The following PMP22 variants were observed in gnomAD, a reference collection of about 807,000 sequenced individuals.
The protein encoded by PMP22 is peripheral myelin protein 22.
Under a neutral mutation model 18.9 loss-of-function variants are expected in PMP22, and 2 were observed. The ratio of observed to expected loss-of-function variants is 0.11; its 90% confidence interval spans 0.04 to 0.33. The LOEUF (loss-of-function observed/expected upper bound fraction) is 0.33, where lower values mean the gene tolerates loss of function less well. Ranked by LOEUF, PMP22 falls within the 10% of genes least tolerant of loss-of-function variation. PMP22 has a pLI of 1.00. For missense variants in PMP22, 169 were observed against 202.2 expected, an observed-to-expected ratio of 0.84 and a Z score of 1.00; for synonymous variants, 95 against 89.2, an observed-to-expected ratio of 1.07 and a Z score of -0.37.
intron 2 of PMP22, among the ~76,000 whole-genome samples, chr17:15,259,703 A>T (rs1909138334): frequency 6.6e-6 from 1 of 151,748 alleles, no homozygotes; most frequent in Non-Finnish European, 1.5e-5. Context: ...GCACTTTGGG[A>T]GGCAGAGGTG....
At chr17:15,247,516 A>T (rs1237822179) in intron 3 of PMP22, among the ~76,000 whole-genome samples, 1 of 152,188 alleles carries the variant, frequency 6.6e-6, no homozygotes, top group Non-Finnish European at 1.5e-5. Context: ...GGGAAGCTCG[A>T]GTTGCACAAA....
chr17:15,264,263 GATAGATAA>G, intron 1 of PMP22, among the ~76,000 whole-genome samples: 1 of 151,992 alleles, frequency 6.6e-6, no homozygotes, highest in Non-Finnish European at 1.5e-5. Flanking sequence ...GATATAGATA[GATAGATAA>G]AGATTTATAA....
At chr17:15,243,106 T>G (rs967403637) in intron 3 of PMP22, among the ~76,000 whole-genome samples, 1 of 152,020 alleles carries the variant, frequency 6.6e-6, no homozygotes, top group African/African-American at 2.4e-5. Flanking sequence ...GAACTACACT[T>G]TCAACTCAAG....
chr17:15,241,178 T>C (rs1016677754), intron 3 of PMP22, among the ~76,000 whole-genome samples: 21 of 150,686 alleles, frequency 1.4e-4, no homozygotes, highest in African/African-American at 5.0e-4. Context: ...CTTTCATTTT[T>C]TCAATTTCTT....
rs192202198 is a variant in PMP22, at chr17:15,233,324, A to G, written c.320-2244T>C. 7.0e-4 allele frequency among the ~76,000 whole-genome samples: 106 copies of G among 152,330 alleles called. No homozygotes were observed. The highest frequency in any genetic ancestry group is 1.1e-3 in the Non-Finnish European group (75 of 68,034). Reference sequence around the variant, plus strand: ...CTGGTAGGGGCCTGAGTCTGGGAGCATAGGTCATCTTTAAGCAGAAGGACA... The same window carrying G: ...CTGGTAGGGGCCTGAGTCTGGGAGCGTAGGTCATCTTTAAGCAGAAGGACA... On this transcript the variant is annotated intron_variant, in intron 4 of 4. Transcript: ENST00000312280.
intron 3 of PMP22, among the ~76,000 whole-genome samples, chr17:15,245,566 T>G (rs928469870): frequency 6.6e-6 from 1 of 152,190 alleles, no homozygotes; most frequent in Non-Finnish European, 1.5e-5. Flanking sequence ...ACAAAAGAGT[T>G]GTTATTGAAG....
intron 4 of PMP22, among the ~76,000 whole-genome samples, chr17:15,231,975 T>C (rs1490633313): frequency 6.6e-6 from 1 of 151,286 alleles, no homozygotes; most frequent in Non-Finnish European, 1.5e-5. Flanking sequence ...CAAGGAGGGG[T>C]CCAGTGATGT....
chr17:15,235,377 T>C, intron 4 of PMP22: 1 of 711,608 alleles, frequency 1.4e-6, no homozygotes. Context: ...ATGCTGGGTG[T>C]AAGCAGTAAA....
chr17:15,260,355 T>G, intron 2 of PMP22: 3 of 452,260 alleles, frequency 6.6e-6, no homozygotes, highest in East Asian at 3.9e-5. Flanking sequence ...AAAAAAAAAG[T>G]TAAACAATCT....
chr17:15,238,666 T>G (rs1020674078), intron 4 of PMP22, among the ~76,000 whole-genome samples: 1 of 147,760 alleles, frequency 6.8e-6, no homozygotes, highest in African/African-American at 2.6e-5. Flanking sequence ...ATGCAAGATG[T>G]AAGATGTAAG....
intron 3 of PMP22, among the ~76,000 whole-genome samples, chr17:15,249,811 T>C (rs1908166118): frequency 6.6e-6 from 1 of 152,198 alleles, no homozygotes. Context: ...TTAAATTCTT[T>C]AAGGACGTGC....
At chr17:15,238,676 G>C (rs1907015914) in intron 4 of PMP22, among the ~76,000 whole-genome samples, 1 of 152,212 alleles carries the variant, frequency 6.6e-6, no homozygotes, top group African/African-American at 2.4e-5. Context: ...TAAGATGTAA[G>C]ATGTAAGATG....
intron 3 of PMP22, among the ~76,000 whole-genome samples, chr17:15,245,245 A>G (rs1423951949): frequency 2.0e-5 from 3 of 152,336 alleles, no homozygotes; most frequent in South Asian, 4.1e-4. Context: ...CTGCTCCCCA[A>G]TCAGAGCCAT....
chr17:15,238,292 T>C (rs1187284858), intron 4 of PMP22, among the ~76,000 whole-genome samples: 1 of 152,224 alleles, frequency 6.6e-6, no homozygotes. Context: ...AAAGGGGAAC[T>C]CTCTGTCTTC....
rs745785768 is a variant in PMP22 at position 15,241,808 on chromosome 17, C to G, written c.179-2197G>C. Reference sequence around the variant, plus strand: ...ATCAAGGACATTTTTATTCAATGAGCATTTGTTGAATACCTACTGCTTTGA... The same window carrying G: ...ATCAAGGACATTTTTATTCAATGAGGATTTGTTGAATACCTACTGCTTTGA... On this transcript the variant is annotated intron_variant, in intron 3 of 4. Transcript: ENST00000312280. Among the ~76,000 whole-genome samples the G allele has an allele frequency of 1.6e-4, 24 of 152,242 alleles. No homozygotes were observed. In the Middle Eastern group the frequency reaches 0.01, roughly 65 times the overall value.
At chr17:15,235,099 C>A in intron 4 of PMP22, 1 of 647,142 alleles carries the variant, frequency 1.5e-6, no homozygotes. Flanking sequence ...GGATTACAGG[C>A]ATTCGCCACC....
rs28936682 is a variant in PMP22 at position 15,230,931 on chromosome 17, G to T, written c.469C>A (p.Arg157=). ...LLSGVIYVIL[R]KRE is the part of the protein sequence containing the mutation. ...GTCTGGGCGCCTCATTCGCGTTTCCGCAAGATCACATAGATGACACCGCTG... is the reference window on the plus strand; with the variant it reads ...GTCTGGGCGCCTCATTCGCGTTTCCTCAAGATCACATAGATGACACCGCTG... The change falls in exon 5 of 5, where the codon CGG becomes AGG. Residue 157 remains arginine (R), a synonymous_variant. Coordinates refer to ENST00000312280, the MANE Select transcript of PMP22 (RefSeq NM_000304.4). 5.6e-6 allele frequency: 9 copies of T among 1,614,020 alleles called. No individual in the cohort carries two copies. The South Asian group carries it at 8.8e-5, about 16-fold the overall frequency.
chr17:15,245,041 G>C (rs560365313), intron 3 of PMP22, among the ~76,000 whole-genome samples: 1 of 152,260 alleles, frequency 6.6e-6, no homozygotes, highest in East Asian at 1.9e-4. Flanking sequence ...AAAACAACAA[G>C]GGATTTTCCT....
At chr17:15,263,581 G>GCA (rs1252164081) in intron 1 of PMP22, among the ~76,000 whole-genome samples, 11 of 87,300 alleles carry the variant, frequency 1.3e-4, no homozygotes, top group African/African-American at 7.8e-4. Context: ...ACGCACGCGC[G>GCA]CGCACACACA....
Sources: allele counts gnomAD v4.1 joint callset (sites outside exome capture counted in the v4.1 genomes callset), GRCh38; gene constraint gnomAD v4.1.1; transcripts MANE v1.5; gene names NCBI Gene and HGNC (gene_info 2026-07-23, HGNC 2026-07-21).